The following MED16 variants were observed in gnomAD, a reference collection of about 807,000 sequenced individuals.
MED16 encodes mediator of RNA polymerase II transcription subunit 16.
Under a neutral mutation model 84.4 loss-of-function variants are expected in MED16, and 81 were observed. The ratio of observed to expected loss-of-function variants is 0.96; its 90% CI spans 0.80 to 1.15. The LOEUF (loss-of-function observed/expected upper bound fraction) is 1.15, where lower values mean the gene tolerates loss of function less well. Among genes scored for constraint, MED16 ranks in the 50% most tolerant of loss-of-function variants. The pLI is 0.00. For missense variants in MED16, 1,585 were observed against 1,245.9 expected, an observed-to-expected ratio of 1.27 and a Z score of -4.10; for synonymous variants, 897 against 552.2, an observed-to-expected ratio of 1.62 and a Z score of -8.76.
chr19:868,325 C>CAGGGGCAGCTG (rs765589843), intron 15 of MED16, 74 bp from the exon 16 acceptor site: 66 of 1,556,906 alleles, frequency 4.2e-5, no homozygotes, highest in Middle Eastern at 1.7e-4. Context: ...CAGCCGGGCT[C>CAGGGGCAGCTG]AGGGGCAGCT....
chr19:892,897 C>T (rs2036669412), intron 1 of MED16, 189 bp downstream of exon 1: 1 of 43,456 alleles, frequency 2.3e-5, no homozygotes. Flanking sequence ...GCGCCCCGCG[C>T]CCCGCGCCCC....
chr19:891,185 G>A, intron 1 of MED16, 36 bp from the exon 2 acceptor site: 1 of 1,567,970 alleles, frequency 6.4e-7, no homozygotes. Context: ...GTCTATGTTG[G>A]CTGAGCACCC....
Position 872,186 on chromosome 19 carries a change from G to T in MED16, c.1906-68C>A. Reference sequence around the variant, plus strand: ...AGATGGCGATGGGATGAAGTGTCTTGGGGTCGGTGGAACCCCGACCGGGGG... The same window carrying T: ...AGATGGCGATGGGATGAAGTGTCTTTGGGTCGGTGGAACCCCGACCGGGGG... On this transcript the variant is annotated intron_variant, in intron 11 of 15. Transcript: ENST00000325464. 2 of 1,418,440 alleles carry T rather than the reference G, an allele frequency of 1.4e-6. 1 individual carries two copies. The highest frequency in any genetic ancestry group is 2.6e-5 in the South Asian group (2 of 77,514). 87.9% of individuals were successfully genotyped at this position (1,418,440 alleles called of 1,614,324 possible).
intron 6 of MED16, 43 bp downstream of exon 6, chr19:884,860 C>T: frequency 1.3e-6 from 2 of 1,517,432 alleles, no homozygotes; most frequent in Non-Finnish European, 1.8e-6. Context: ...CCAACCGCCC[C>T]CGAGGGCAGG....
intron 10 of MED16, among the ~76,000 whole-genome samples, chr19:874,298 G>C (rs564990805): frequency 3.3e-5 from 5 of 152,228 alleles, no homozygotes; most frequent in Admixed American, 1.3e-4. Flanking sequence ...ATTTTTAGTA[G>C]AGACGGGGTT....
intron 6 of MED16, among the ~76,000 whole-genome samples, chr19:884,508 G>C (rs918936840): frequency 6.6e-6 from 1 of 152,086 alleles, no homozygotes; most frequent in African/African-American, 2.4e-5. Context: ...GGAGGATTCC[G>C]TGCACCGCCC....
chr19:884,984 T>C lies in MED16; in HGVS notation c.904A>G (p.Thr302Ala). Reference protein sequence around the residue: ...EQVLLCASSQTSSIVECWSLR... With the variant: ...EQVLLCASSQASSIVECWSLR... The stretch of plus-strand genomic sequence containing the variant: ...GACCAGCACTCCACGATGCTGCTGG[T>C]CTGGCTGGACGCGCACAAAAGCACC... Residue 302 changes from threonine (T) to alanine (A), a missense_variant, in exon 6 of 16, where the codon ACC (threonine) becomes GCC (alanine). Transcript: ENST00000325464. 6.2e-7 allele frequency: 1 copy of C among 1,606,232 alleles called. No homozygotes were observed. Among genetic ancestry groups the C allele is most frequent in the Non-Finnish European group, 8.5e-7 (1 of 1,178,464 alleles).
At chr19:878,134 T>C (rs1210960704) in intron 8 of MED16, among the ~76,000 whole-genome samples, 1 of 64,290 alleles carries the variant, frequency 1.6e-5, no homozygotes, top group Admixed American at 2.1e-4. Flanking sequence ...CCCCTGGTTG[T>C]CAATGCTCAG....
intron 10 of MED16, among the ~76,000 whole-genome samples, chr19:873,854 G>A (rs1420284011): frequency 6.6e-6 from 1 of 152,146 alleles, no homozygotes; most frequent in Non-Finnish European, 1.5e-5. Context: ...CCATGCCAGG[G>A]CCACCAGTGC....
chr19:876,019 G>A (rs895404498), intron 9 of MED16, among the ~76,000 whole-genome samples: 6 of 152,326 alleles, frequency 3.9e-5, no homozygotes, highest in Admixed American at 2.6e-4. Flanking sequence ...GGGAGAGGGC[G>A]AGGTCTCGCC....
intron 4 of MED16, among the ~76,000 whole-genome samples, chr19:887,386 G>T (rs368413375): frequency 2.0e-5 from 3 of 152,116 alleles, no homozygotes; most frequent in African/African-American, 7.2e-5. Flanking sequence ...ACAAAAATTT[G>T]GCCGGACGCG....
At chr19:888,766 T>C (rs770597461) in intron 4 of MED16, among the ~76,000 whole-genome samples, 6 of 152,226 alleles carry the variant, frequency 3.9e-5, no homozygotes, top group Non-Finnish European at 5.9e-5. Flanking sequence ...CGGTGCTGCG[T>C]GTACTGCGGC....
intron 8 of MED16, among the ~76,000 whole-genome samples, chr19:877,410 G>C (rs2036275695): frequency 6.6e-6 from 1 of 152,136 alleles, no homozygotes; most frequent in Non-Finnish European, 1.5e-5. Context: ...GACTGCACTG[G>C]ATGCCGAGCC....
chr19:890,379 G>A (rs563302682), intron 2 of MED16, 135 bp from the exon 3 acceptor site: 9 of 604,742 alleles, frequency 1.5e-5, no homozygotes, highest in East Asian at 1.4e-4. Flanking sequence ...CAGCCGAGTC[G>A]ACAGCTCAGG....
intron 4 of MED16, among the ~76,000 whole-genome samples, chr19:888,339 T>C (rs982916975): frequency 3.3e-5 from 5 of 151,752 alleles, no homozygotes; most frequent in African/African-American, 1.2e-4. Context: ...CTGGCCAACA[T>C]GGTGAAACCC....
intron 9 of MED16, 99 bp downstream of exon 9, chr19:876,875 C>T (rs1048350515): frequency 2.9e-5 from 36 of 1,245,188 alleles, no homozygotes; most frequent in African/African-American, 8.0e-5. Context: ...CCACCTGCCA[C>T]GGGGCCCCCA....
chr19:873,272 G>C (rs2036139550), intron 11 of MED16, among the ~76,000 whole-genome samples, 177 bp downstream of exon 11: 2 of 121,674 alleles, frequency 1.6e-5, no homozygotes, highest in African/African-American at 6.7e-5. Context: ...GGGCGGGGCT[G>C]AGGTGGGACT....
intron 8 of MED16, among the ~76,000 whole-genome samples, chr19:877,869 T>G (rs2036293977): frequency 7.1e-6 from 1 of 141,774 alleles, no homozygotes; most frequent in Admixed American, 7.2e-5. Context: ...CCCCAGCAGC[T>G]CGCCTTCCCC....
At chr19:872,150 C>G (rs369580975) in intron 11 of MED16, 32 bp from the exon 12 acceptor site, 5 of 1,512,694 alleles carry the variant, frequency 3.3e-6, no homozygotes, top group South Asian at 1.3e-5. Flanking sequence ...GTGGCTGGGG[C>G]GGCGGGGGGC....
Sources: allele counts gnomAD v4.1 joint callset (sites outside exome capture counted in the v4.1 genomes callset), GRCh38; gene constraint gnomAD v4.1.1; transcripts MANE v1.5; gene names NCBI Gene and HGNC (gene_info 2026-07-23, HGNC 2026-07-21).